The following ZNF385D variants were observed in gnomAD, a reference collection of about 807,000 sequenced individuals.
ZNF385D encodes zinc finger protein 385D, also known as zinc finger protein 659.
ZNF385D carries 15 observed loss-of-function variants against 35.8 expected under a neutral mutation model. The ratio of observed to expected loss-of-function variants is 0.42; its 90% CI spans 0.28 to 0.64. The LOEUF (loss-of-function observed/expected upper bound fraction) is 0.64, where lower values mean the gene tolerates loss of function less well. Among genes scored for constraint, ZNF385D ranks in the 30% least tolerant of loss-of-function variants. ZNF385D has a pLI of 0.23. For missense variants in ZNF385D, 474 were observed against 494.6 expected (o/e 0.96, Z 0.39); for synonymous variants, 212 against 186.8 (o/e 1.13, Z -1.10).
intron 3 of ZNF385D, among the ~76,000 whole-genome samples, chr3:22,158,339 G>C (rs1368379271): frequency 6.6e-6 from 1 of 152,022 alleles, no homozygotes. Context: ...TTGGAAACCA[G>C]AGTTATTGGG....
chr3:22,371,928 A>AAAG lies in ZNF385D; in HGVS notation c.106+519_106+521dup, dbSNP rs369549840. 2.3e-3 allele frequency among the ~76,000 whole-genome samples: 348 copies of AAAG among 152,156 alleles called. 2 individuals carry two copies. Among genetic ancestry groups the AAAG allele is most frequent in the African/African-American group, 8.0e-3 (333 of 41,526 alleles). ...AGGTTTTTTTAAGTATTTGTTTTAA[A>AAAG]AAGAAGAAGAAGAAGAAGGAAATGA... On this transcript the variant is annotated intron_variant, in intron 2 of 5. Coordinates refer to the ZNF385D transcript ENST00000494108.
intron 3 of ZNF385D, among the ~76,000 whole-genome samples, chr3:22,095,698 T>C (rs1235033010): frequency 1.3e-5 from 2 of 152,186 alleles, no homozygotes; most frequent in Middle Eastern, 3.4e-3. Flanking sequence ...TTGTGAATAA[T>C]TGCTTTTAAA....
At chr3:21,789,924 T>A (rs1020449863) in intron 3 of ZNF385D, among the ~76,000 whole-genome samples, 15 of 152,278 alleles carry the variant, frequency 9.9e-5, no homozygotes, top group African/African-American at 2.6e-4. Flanking sequence ...GGTAAGGGGA[T>A]GAAAAGCTCT....
intron 3 of ZNF385D, among the ~76,000 whole-genome samples, chr3:21,823,479 C>T (rs550648606): frequency 4.6e-5 from 7 of 152,274 alleles, no homozygotes; most frequent in African/African-American, 7.2e-5. Flanking sequence ...ACGCAGCACA[C>T]TCACCGTGTA....
chr3:21,751,019 T>TC lies in ZNF385D; in HGVS notation c.-104dup. 1 of 1,602,244 alleles carries TC rather than the reference T, an allele frequency of 6.2e-7. No individual in the cohort carries two copies. On this transcript the variant is annotated 5_prime_UTR_variant, in exon 1 of 8. The change creates a premature stop within an existing upstream ORF in the 5' untranslated region. Transcript: ENST00000281523. The stretch of plus-strand genomic sequence containing the variant: ...TTTCATGCTACATTCGGTGGAAATG[T>TC]CCCCGGCGTGGAGAGCAGTGAGCGC...
chr3:21,517,676 G>A (rs530716171), intron 3 of ZNF385D, among the ~76,000 whole-genome samples: 12 of 152,094 alleles, frequency 7.9e-5, no homozygotes, highest in Non-Finnish European at 1.5e-4. Context: ...AGTTGCATAC[G>A]GTAATCTGAC....
chr3:21,785,012 T>A (rs2071630288), intron 3 of ZNF385D, among the ~76,000 whole-genome samples: 1 of 152,182 alleles, frequency 6.6e-6, no homozygotes, highest in African/African-American at 2.4e-5. Flanking sequence ...CTCACTCACC[T>A]CTTCCTAGTT....
intron 3 of ZNF385D, among the ~76,000 whole-genome samples, chr3:22,117,382 A>T (rs1702866090): frequency 6.6e-6 from 1 of 152,020 alleles, no homozygotes; most frequent in Admixed American, 6.6e-5. Context: ...TATGAGTGTT[A>T]GTTGTGAGCT....
chr3:21,713,619 C>G (rs1274667894), intron 1 of ZNF385D, among the ~76,000 whole-genome samples: 1 of 152,136 alleles, frequency 6.6e-6, no homozygotes, highest in Admixed American at 6.5e-5. Flanking sequence ...GCACTTCGTT[C>G]CCTATCACTG....
rs531888171 is a variant in ZNF385D, at chr3:22,135,548, C to T, written c.325+33269G>A. On this transcript the variant is annotated intron_variant, in intron 3 of 5. Coordinates refer to the ZNF385D transcript ENST00000494108. ...AGACTCAACATAGTAAAAATGTCAA[C>T]TCTTCTTAAATTGATCAATGGGTTT... Among the ~76,000 whole-genome samples the T allele has an allele frequency of 2.6e-5, 4 of 152,172 alleles. No homozygotes were observed. In the South Asian group the frequency reaches 6.2e-4, roughly 24 times the overall value.
intron 4 of ZNF385D, among the ~76,000 whole-genome samples, chr3:21,504,327 T>C (rs1706612182): frequency 6.6e-6 from 1 of 152,098 alleles, no homozygotes; most frequent in Non-Finnish European, 1.5e-5. Flanking sequence ...AACTTGCAAC[T>C]CTGAAATTTG....
intron 3 of ZNF385D, among the ~76,000 whole-genome samples, chr3:21,833,390 TA>T (rs1251733883): frequency 4.6e-5 from 7 of 152,156 alleles, no homozygotes; most frequent in African/African-American, 1.2e-4. Context: ...AGATGGACCC[TA>T]AATGCAATCA....
chr3:22,062,070 T>C (rs1011290946), intron 3 of ZNF385D, among the ~76,000 whole-genome samples: 2 of 152,116 alleles, frequency 1.3e-5, no homozygotes, highest in African/African-American at 2.4e-5. Context: ...CAAGGTCTTG[T>C]TCTGTTGCCC....
intron 3 of ZNF385D, among the ~76,000 whole-genome samples, chr3:22,103,949 CTT>C (rs1054912869): frequency 3.8e-4 from 58 of 151,832 alleles, no homozygotes; most frequent in Admixed American, 3.3e-4. Context: ...GAAAATCAGT[CTT>C]GAGTTGTATA....
chr3:22,261,318 AAT>A (rs1185849250), intron 2 of ZNF385D, among the ~76,000 whole-genome samples: 1 of 152,036 alleles, frequency 6.6e-6, no homozygotes, highest in Non-Finnish European at 1.5e-5. Flanking sequence ...GGTGCAGTAT[AAT>A]ATAAGAAAAA....
chr3:22,192,645 C>A (rs1019560797), intron 2 of ZNF385D, among the ~76,000 whole-genome samples: 4 of 152,164 alleles, frequency 2.6e-5, no homozygotes, highest in Non-Finnish European at 4.4e-5. Flanking sequence ...TTATTGATGT[C>A]ATGGCCAACA....
intron 2 of ZNF385D, among the ~76,000 whole-genome samples, chr3:22,331,090 T>A (rs1694914184): frequency 6.6e-6 from 1 of 152,258 alleles, no homozygotes; most frequent in African/African-American, 2.4e-5. Context: ...TATTGACGTG[T>A]AAGTCCTCTG....
chr3:21,965,032 A>T (rs1385109458), intron 3 of ZNF385D, among the ~76,000 whole-genome samples: 2 of 152,202 alleles, frequency 1.3e-5, no homozygotes, highest in Non-Finnish European at 2.9e-5. Flanking sequence ...AGCATAATTA[A>T]TATTAAAGTT....
chr3:22,227,664 A>G (rs1248586206), intron 2 of ZNF385D, among the ~76,000 whole-genome samples: 1 of 152,148 alleles, frequency 6.6e-6, no homozygotes, highest in African/African-American at 2.4e-5. Flanking sequence ...ACCTCTCCGT[A>G]AGACATGCCC....
Sources: allele counts gnomAD v4.1 joint callset (sites outside exome capture counted in the v4.1 genomes callset), GRCh38; gene constraint gnomAD v4.1.1; transcripts MANE v1.5; gene names NCBI Gene and HGNC (gene_info 2026-07-23, HGNC 2026-07-21).